NDST4: variants seen among roughly 807,000 people sequenced by gnomAD.
The protein encoded by NDST4 is N-heparan sulfate sulfotransferase 4.
NDST4 carries 63 observed loss-of-function variants against 100.8 expected under a neutral mutation model. The observed-to-expected ratio is 0.62, with a 90% CI of 0.51 to 0.77. NDST4 has a LOEUF of 0.77. Among genes scored for constraint, NDST4 ranks in the 30% least tolerant of loss-of-function variants. The pLI, the probability that NDST4 is intolerant of heterozygous loss-of-function variation, is 0.00. For missense variants in NDST4, 943 were observed against 1,018.4 expected, an observed-to-expected ratio of 0.93 and a Z score of 1.01; for synonymous variants, 377 against 361.8, an observed-to-expected ratio of 1.04 and a Z score of -0.48.
rs140926641 is a variant in NDST4 at position 114,920,400 on chromosome 4, C to G, written c.1536+14806G>C. Among the ~76,000 whole-genome samples, 262 of 152,216 alleles carry G rather than the reference C, an allele frequency of 1.7e-3. 4 individuals are homozygous for G. The East Asian group carries it at 0.047, about 27-fold the overall frequency. On this transcript the variant is annotated intron_variant, in intron 6 of 13. Transcript: ENST00000264363. ...TGCAGGAGGATGGCAATTTTCAAGT[C>G]ACATCTTTTATTCACTTTTGATTTG...
intron 1 of NDST4, among the ~76,000 whole-genome samples, chr4:115,095,841 T>G (rs1729610719): frequency 6.6e-6 from 1 of 152,130 alleles, no homozygotes; most frequent in South Asian, 2.1e-4. Flanking sequence ...CTTTTCATTA[T>G]AATTAATCAT....
At chr4:115,064,970 G>A (rs1026657817) in intron 2 of NDST4, among the ~76,000 whole-genome samples, 1 of 151,950 alleles carries the variant, frequency 6.6e-6, no homozygotes, top group African/African-American at 2.4e-5. Flanking sequence ...AAAATTATGA[G>A]ACCATAAATC....
intron 7 of NDST4, among the ~76,000 whole-genome samples, chr4:114,867,665 C>CATAAAAAAAAAAAAAAAAAAAAA (rs1724061376): frequency 1.3e-5 from 1 of 79,900 alleles, no homozygotes; most frequent in Admixed American, 1.8e-4. Context: ...AAAAAAAAAG[C>CATAAAAAAAAAAAAAAAAAAAAA]AAAAAAAAAA....
intron 2 of NDST4, among the ~76,000 whole-genome samples, chr4:115,036,760 G>T (rs947632017): frequency 1.7e-4 from 26 of 151,718 alleles, no homozygotes; most frequent in African/African-American, 6.3e-4. Context: ...TCAAAGTATG[G>T]TCTTAAACAT....
At chr4:114,985,337 G>C (rs1372810881) in intron 2 of NDST4, among the ~76,000 whole-genome samples, 1 of 152,028 alleles carries the variant, frequency 6.6e-6, no homozygotes, top group Non-Finnish European at 1.5e-5. Context: ...CTCTCTTTGG[G>C]CACTCTTCCC....
chr4:114,888,309 C>T (rs942750474), intron 6 of NDST4, among the ~76,000 whole-genome samples: 101 of 151,796 alleles, frequency 6.7e-4, no homozygotes, highest in African/African-American at 2.3e-3. Context: ...GTAACTAAAC[C>T]TTACTACAAG....
chr4:115,090,219 C>T (rs991483614), intron 1 of NDST4, among the ~76,000 whole-genome samples: 1 of 151,688 alleles, frequency 6.6e-6, no homozygotes, highest in African/African-American at 2.4e-5. Context: ...TTACTAGGCA[C>T]AAAACACAGC....
At chr4:115,050,291 A>G (rs1728556152) in intron 2 of NDST4, among the ~76,000 whole-genome samples, 1 of 152,146 alleles carries the variant, frequency 6.6e-6, no homozygotes, top group African/African-American at 2.4e-5. Flanking sequence ...TTCTGAAAGC[A>G]TTATCTACAA....
At chr4:114,930,666 C>G (rs930389245) in intron 6 of NDST4, among the ~76,000 whole-genome samples, 1 of 152,068 alleles carries the variant, frequency 6.6e-6, no homozygotes, top group East Asian at 1.9e-4. Flanking sequence ...TTCCATGAAA[C>G]AAAGTGGGCA....
At chr4:114,906,012 A>G (rs1328892111) in intron 6 of NDST4, among the ~76,000 whole-genome samples, 1 of 152,024 alleles carries the variant, frequency 6.6e-6, no homozygotes, top group East Asian at 1.9e-4. Context: ...ATTGGTTTAC[A>G]TTAACGAGGA....
chr4:114,914,673 C>T (rs1725132151), intron 6 of NDST4, among the ~76,000 whole-genome samples: 2 of 151,980 alleles, frequency 1.3e-5, no homozygotes, highest in South Asian at 2.1e-4. Flanking sequence ...TCTGCTTTTT[C>T]AAGAGTTCCC....
chr4:114,827,772 TAACAC>T lies in NDST4; in HGVS notation c.*39_*43del. 6.3e-7 allele frequency: 1 copy of T among 1,583,500 alleles called. No homozygotes were observed. Among genetic ancestry groups the T allele is most frequent in the East Asian group, 2.2e-5 (1 of 44,492 alleles). On this transcript the variant is annotated 3_prime_UTR_variant, in exon 14 of 14. Coordinates refer to ENST00000264363, the MANE Select transcript of NDST4 (RefSeq NM_022569.3). ...AATAAAGGTGGATTTATTTTTTTTT[TAACAC>T]TAAAAGTATCTTGAGAGGCTTAGTT...
intron 6 of NDST4, among the ~76,000 whole-genome samples, chr4:114,897,475 C>T (rs947365958): frequency 6.6e-6 from 1 of 152,154 alleles, no homozygotes; most frequent in Non-Finnish European, 1.5e-5. Flanking sequence ...TCACTATCCA[C>T]CTATTGAAGA....
intron 6 of NDST4, 41 bp from the exon 7 acceptor site, chr4:114,870,991 T>G (rs1443820595): frequency 2.0e-6 from 3 of 1,535,810 alleles, no homozygotes; most frequent in Non-Finnish European, 2.7e-6. Flanking sequence ...TATCATATGC[T>G]TAAGCTTAAA....
intron 2 of NDST4, among the ~76,000 whole-genome samples, chr4:115,046,544 C>T (rs1169403619): frequency 6.6e-6 from 1 of 152,056 alleles, no homozygotes; most frequent in African/African-American, 2.4e-5. Context: ...ATTCATTATA[C>T]TGATTTCAGG....
chr4:114,931,841 T>C (rs1049097913), intron 6 of NDST4, among the ~76,000 whole-genome samples: 1 of 151,738 alleles, frequency 6.6e-6, no homozygotes, highest in Admixed American at 6.6e-5. Context: ...AGAGAATGAA[T>C]TGTAATTAAA....
At chr4:114,847,327 G>GAT (rs1723571306) in intron 9 of NDST4, among the ~76,000 whole-genome samples, 1 of 105,838 alleles carries the variant, frequency 9.4e-6, no homozygotes, top group South Asian at 4.1e-4. Context: ...AGTGAGCCGA[G>GAT]ATCCCGCCAC....
At position 115,076,696 on chromosome 4, in the gene NDST4, T is replaced by C. The variant is rs771686062; in HGVS notation, c.341A>G (p.Lys114Arg). The C allele has an allele frequency of 1.9e-6, 3 of 1,613,950 alleles. No individual in the cohort carries two copies. Among genetic ancestry groups the C allele is most frequent in the African/African-American group, 1.3e-5 (1 of 75,064 alleles). The change falls in exon 2 of 14, where the codon AAG (lysine) becomes AGG (arginine). Residue 114 changes from lysine (K) to arginine (R), a missense_variant. By Grantham distance (26) the Lys-to-Arg change is conservative. Transcript: ENST00000264363. ...FQYHMVIAPG[K>R]GDIPPLTDNG... ...ATCTGTAAGAGGAGGTATATCTCCC[T>C]TTCCAGGGGCAATAACCATGTGGTA...
chr4:115,008,903 GA>G (rs200781292), intron 2 of NDST4, among the ~76,000 whole-genome samples: 12,310 of 127,846 alleles, frequency 0.096, 3,978 homozygotes, highest in African/African-American at 0.34. Context: ...GACAAACAGA[GA>G]GCCAAATCAC....
Sources: gnomAD v4.1 joint callset for allele counts (sites outside exome capture counted in the v4.1 genomes callset) on GRCh38, gnomAD v4.1.1 for gene constraint, MANE v1.5 for transcripts, NCBI Gene and HGNC (gene_info 2026-07-23, HGNC 2026-07-21) for gene names.